CTSS: variants seen among roughly 807,000 people sequenced by gnomAD.
CTSS encodes the protein cathepsin S.
Under a neutral mutation model 39.9 loss-of-function variants are expected in CTSS, and 15 were observed. That is an observed-to-expected ratio of 0.38 (90% confidence interval 0.25 to 0.58). The LOEUF (loss-of-function observed/expected upper bound fraction) is 0.58. CTSS is among the 20% of genes least tolerant of loss of function. CTSS has a pLI of 0.70. For synonymous variants in CTSS, 126 were observed against 138.2 expected (o/e 0.91, Z 0.62); for missense variants, 250 against 398.2 (o/e 0.63, Z 3.17).
chr1:150,746,460 C>G (rs1652897191), intron 7 of CTSS, among the ~76,000 whole-genome samples: 1 of 152,104 alleles, frequency 6.6e-6, no homozygotes, highest in Non-Finnish European at 1.5e-5. Context: ...GATATGAAGA[C>G]CAGACATAAT....
intron 2 of CTSS, 107 bp downstream of exon 2, chr1:150,764,531 C>T: frequency 6.8e-7 from 1 of 1,475,326 alleles, no homozygotes; most frequent in Non-Finnish European, 9.3e-7. Context: ...AGCCACCACA[C>T]CCAGCTTAAA....
intron 7 of CTSS, among the ~76,000 whole-genome samples, chr1:150,744,465 ATATAT>A (rs1557810132): frequency 2.4e-5 from 1 of 41,720 alleles, no homozygotes; most frequent in African/African-American, 7.8e-5. Context: ...TGTATACATA[ATATAT>A]TATATATTAT....
At chr1:150,752,690 G>C (rs976134440) in intron 4 of CTSS, among the ~76,000 whole-genome samples, 15 of 152,296 alleles carry the variant, frequency 9.8e-5, no homozygotes, top group African/African-American at 3.6e-4. Flanking sequence ...AGCACCCAGA[G>C]AAAGGAGCTC....
intron 7 of CTSS, among the ~76,000 whole-genome samples, chr1:150,738,743 G>A (rs1041679156): frequency 9.2e-5 from 14 of 151,876 alleles, no homozygotes; most frequent in Admixed American, 5.3e-4. Flanking sequence ...AATTGTCTTG[G>A]GGTGCCATGA....
chr1:150,745,855 C>T (rs1445573609), intron 7 of CTSS, among the ~76,000 whole-genome samples: 1 of 151,868 alleles, frequency 6.6e-6, no homozygotes, highest in Non-Finnish European at 1.5e-5. Context: ...ATTTAATTGA[C>T]AGATTGTATA....
intron 7 of CTSS, among the ~76,000 whole-genome samples, chr1:150,742,737 G>A (rs896445392): frequency 6.6e-6 from 1 of 152,108 alleles, no homozygotes; most frequent in Admixed American, 6.6e-5. Flanking sequence ...GATAGGGCTG[G>A]GTGGGTTGAG....
chr1:150,741,824 G>C (rs980608228), intron 7 of CTSS, among the ~76,000 whole-genome samples: 2 of 150,596 alleles, frequency 1.3e-5, no homozygotes, highest in Non-Finnish European at 2.9e-5. Flanking sequence ...GCAGTGAGCC[G>C]AGATTGTGCC....
chr1:150,764,736 C>T lies in CTSS; in HGVS notation c.28G>A (p.Val10Met). 6.2e-7 allele frequency: 1 copy of T among 1,614,040 alleles called. No homozygotes were observed. Among genetic ancestry groups the T allele is most frequent in the Non-Finnish European group, 8.5e-7 (1 of 1,179,948 alleles). MKRLVCVLL[V>M]CSSAVAQLHK... ...AACTGTGCCACTGCAGAGGAGCACA[C>T]CAAGAGCACACAAACCAGCCGTTTC... Residue 10 changes from valine (V) to methionine (M), a missense_variant, in exon 2 of 8, where the codon GTG becomes ATG. Transcript: ENST00000368985.
At chr1:150,748,066 C>T (rs1312793944) in intron 6 of CTSS, 187 bp from the exon 7 acceptor site, 28 of 481,706 alleles carry the variant, frequency 5.8e-5, no homozygotes, top group Non-Finnish European at 7.1e-5. Flanking sequence ...CCAAGGCGGG[C>T]GGGTCACAAG....
intron 7 of CTSS, among the ~76,000 whole-genome samples, chr1:150,740,285 G>A (rs1652722087): frequency 6.6e-6 from 1 of 152,212 alleles, no homozygotes; most frequent in Non-Finnish European, 1.5e-5. Flanking sequence ...ACAATTCTAA[G>A]TGAATGGGGT....
At chr1:150,759,035 A>AT (rs1374239957) in intron 2 of CTSS, among the ~76,000 whole-genome samples, 2,286 of 112,380 alleles carry the variant, frequency 0.02, 91 homozygotes, top group African/African-American at 0.07. Flanking sequence ...TTATTTTATT[A>AT]TTATTTTTTT....
At chr1:150,735,925 T>A (rs1652626936) in intron 7 of CTSS, among the ~76,000 whole-genome samples, 1 of 151,802 alleles carries the variant, frequency 6.6e-6, no homozygotes, top group African/African-American at 2.4e-5. Flanking sequence ...CCTGGCTAAT[T>A]TTTTTGTATT....
At position 150,730,680 on chromosome 1, in the gene CTSS, A is replaced by G. The variant is rs1189747117; in HGVS notation, c.*2366T>C. 6.6e-6 allele frequency: 1 copy of G among 152,192 alleles called. No individual in the cohort carries two copies. The highest frequency in any genetic ancestry group is 1.9e-4 in the East Asian group (1 of 5,200). The allele number at this position is 152,192 out of a possible 1,614,324, so 9.4% of individuals were successfully genotyped here. A position where few individuals can be genotyped will look rare whatever the true frequency, so the allele number is the denominator to read the frequency against. ...TCCTGAACCCCGTCACTAACCTCTA[A>G]CTGAAAGTTAGGATTTTCTTCAATT... is the stretch of plus-strand genomic sequence containing the variant. On this transcript the variant is annotated 3_prime_UTR_variant, in exon 8 of 8. Coordinates refer to ENST00000368985, the MANE Select transcript of CTSS (RefSeq NM_004079.5).
At chr1:150,742,016 A>T (rs1390411874) in intron 7 of CTSS, among the ~76,000 whole-genome samples, 2 of 152,112 alleles carry the variant, frequency 1.3e-5, no homozygotes, top group Non-Finnish European at 2.9e-5. Flanking sequence ...AGGTGGGCAG[A>T]TCACGAGGTC....
chr1:150,746,109 T>C (rs1242158767), intron 7 of CTSS, among the ~76,000 whole-genome samples: 1 of 152,146 alleles, frequency 6.6e-6, no homozygotes, highest in Non-Finnish European at 1.5e-5. Context: ...ATCCCACATA[T>C]AAGTAAGATC....
intron 7 of CTSS, among the ~76,000 whole-genome samples, chr1:150,745,384 G>C (rs903961477): frequency 1.3e-5 from 2 of 152,132 alleles, no homozygotes; most frequent in Non-Finnish European, 2.9e-5. Flanking sequence ...AAATTGGCCA[G>C]GCGCAGTGGC....
intron 7 of CTSS, among the ~76,000 whole-genome samples, chr1:150,738,521 C>T (rs1199045632): frequency 1.3e-5 from 2 of 149,150 alleles, no homozygotes; most frequent in Non-Finnish European, 3.0e-5. Flanking sequence ...TAGGATCTCA[C>T]TCTGTCATCC....
At chr1:150,734,178 G>A (rs1324708375) in intron 7 of CTSS, among the ~76,000 whole-genome samples, 6 of 151,864 alleles carry the variant, frequency 4.0e-5, no homozygotes, top group Non-Finnish European at 5.9e-5. Flanking sequence ...GCAGGCATGT[G>A]CCACCACGAC....
chr1:150,748,989 A>G (rs587680558), intron 6 of CTSS, among the ~76,000 whole-genome samples: 1 of 152,216 alleles, frequency 6.6e-6, no homozygotes, highest in African/African-American at 2.4e-5. Flanking sequence ...ATAAGATAGC[A>G]GACTTAACCC....
Sources: allele counts gnomAD v4.1 joint callset (sites outside exome capture counted in the v4.1 genomes callset), GRCh38; gene constraint gnomAD v4.1.1; transcripts MANE v1.5; gene names NCBI Gene and HGNC (gene_info 2026-07-23, HGNC 2026-07-21).